C19orf47: variants seen among roughly 807,000 people sequenced by gnomAD.
C19orf47 encodes chromosome 19 open reading frame 47.
C19orf47 carries 18 observed loss-of-function variants against 32.3 expected under a neutral mutation model. The observed-to-expected ratio is 0.56, with a 90% CI of 0.39 to 0.83. The LOEUF (loss-of-function observed/expected upper bound fraction) is 0.83, where lower values mean the gene tolerates loss of function less well. Ranked by LOEUF, C19orf47 falls within the 40% of genes least tolerant of loss-of-function variation. C19orf47 has a pLI of 0.00. For synonymous variants in C19orf47, 202 were observed against 211.1 expected (o/e 0.96, Z 0.37); for missense variants, 484 against 531.6 (o/e 0.91, Z 0.88).
In C19orf47 at chr19:40,341,830, C is replaced by T; in HGVS notation, c.19+9G>A. The T allele has an allele frequency of 6.5e-7, 1 of 1,536,158 alleles. No individual in the cohort carries two copies. The highest frequency in any genetic ancestry group is 8.7e-7 in the Non-Finnish European group (1 of 1,146,896). ...AGAGGGGGCCCTGGAGAGAAGGCCACAGACTCACCCATAGTCACGGAGACC... is the reference window on the plus strand; with the variant it reads ...AGAGGGGGCCCTGGAGAGAAGGCCATAGACTCACCCATAGTCACGGAGACC... On this transcript the variant is annotated intron_variant, in intron 2 of 8. Coordinates refer to ENST00000683109, the MANE Select transcript of C19orf47 (RefSeq NM_001256441.2).
downstream of C19orf47, among the ~76,000 whole-genome samples, chr19:40,314,543 G>A (rs1207931921): frequency 6.6e-6 from 1 of 152,174 alleles, no homozygotes; most frequent in Non-Finnish European, 1.5e-5. Flanking sequence ...AGTAACGTTG[G>A]ATGATAACCT....
chr19:40,348,228 G>T, intron 1 of C19orf47, 96 bp downstream of exon 1: 1 of 802,930 alleles, frequency 1.2e-6, no homozygotes, highest in Non-Finnish European at 1.7e-6. Context: ...TAAGTCCGAA[G>T]CCGTACAACG....
the C19orf47 span, among the ~76,000 whole-genome samples, chr19:40,301,847 A>T: frequency 6.8e-6 from 1 of 147,298 alleles, no homozygotes; most frequent in Non-Finnish European, 1.5e-5. Context: ...TCTGTCTAGG[A>T]AAAAAATCTT....
At chr19:40,331,378 G>A (rs536676229) in intron 5 of C19orf47, among the ~76,000 whole-genome samples, 10 of 152,350 alleles carry the variant, frequency 6.6e-5, no homozygotes, top group African/African-American at 9.6e-5. Flanking sequence ...GAATGCGGCC[G>A]TCAACCCGGC....
chr19:40,322,399 G>A (rs754060201), intron 8 of C19orf47, 23 bp from the exon 9 acceptor site: 21 of 1,542,600 alleles, frequency 1.4e-5, no homozygotes, highest in Non-Finnish European at 1.8e-5. Context: ...GAGACAGGAT[G>A]AATGAGTCAC....
At chr19:40,327,557 C>T (rs1036763200) in intron 6 of C19orf47, among the ~76,000 whole-genome samples, 2 of 152,050 alleles carry the variant, frequency 1.3e-5, no homozygotes, top group African/African-American at 2.4e-5. Context: ...TGGAGGTGGA[C>T]GGGGCGTGAT....
chr19:40,324,256 T>C lies in C19orf47; in HGVS notation c.593-180A>G, dbSNP rs547885359. 1.2e-4 allele frequency: 74 copies of C among 623,380 alleles called. 1 individual carries two copies. In the South Asian group the frequency reaches 1.3e-3, roughly 11 times the overall value. The allele number at this position is 623,380 out of a possible 1,614,324, so 38.6% of individuals were successfully genotyped here. A position where few individuals can be genotyped will look rare whatever the true frequency, so the allele number is the denominator to read the frequency against. The stretch of plus-strand genomic sequence containing the variant: ...ACACTGACCCTAACCCACCCCTATC[T>C]GGCTAGAGCCAAATGTGGGAAAGAC... On this transcript the variant is annotated intron_variant, in intron 7 of 8. Transcript: ENST00000683109.
the C19orf47 span, among the ~76,000 whole-genome samples, chr19:40,300,796 T>C: frequency 6.6e-6 from 1 of 152,152 alleles, no homozygotes; most frequent in East Asian, 1.9e-4. Flanking sequence ...AATAAACTTA[T>C]GATTATAACA....
At chr19:40,303,664 C>T in the C19orf47 span, among the ~76,000 whole-genome samples, 4 of 151,576 alleles carry the variant, frequency 2.6e-5, no homozygotes, top group Non-Finnish European at 5.9e-5. Flanking sequence ...ATTAGCCGGG[C>T]GTGGTGGCAT....
intron 2 of C19orf47, among the ~76,000 whole-genome samples, chr19:40,339,980 C>CAAAA (rs548548957): frequency 2.5e-4 from 17 of 68,690 alleles, no homozygotes; most frequent in African/African-American, 8.6e-4. Flanking sequence ...CATCTCAAAA[C>CAAAA]AAAAAAAAAA....
At chr19:40,295,045 G>A in the C19orf47 span, among the ~76,000 whole-genome samples, 3 of 151,984 alleles carry the variant, frequency 2.0e-5, no homozygotes, top group East Asian at 1.9e-4. Flanking sequence ...TTTTTGAGAC[G>A]GAGTCTCGCC....
chr19:40,333,932 G>A lies in C19orf47; in HGVS notation c.223-3C>T, dbSNP rs988681646. The A allele has an allele frequency of 6.4e-7, 1 of 1,558,212 alleles. No homozygotes were observed. Among genetic ancestry groups the A allele is most frequent in the Non-Finnish European group, 8.7e-7 (1 of 1,150,624 alleles). On this transcript the variant is annotated splice_region_variant and splice_polypyrimidine_tract_variant and intron_variant, in intron 4 of 8. Transcript: ENST00000683109. ...TCAGTGGCAGCTTTGCACATGTCCT[G>A]TGAAAAAAGAACAGGCACCTGGGTC...
intron 1 of C19orf47, among the ~76,000 whole-genome samples, chr19:40,346,495 T>TA (rs1263369273): frequency 2.3e-5 from 3 of 131,888 alleles, no homozygotes; most frequent in African/African-American, 8.6e-5. Flanking sequence ...ATAATAAAAA[T>TA]AAAAAAACAC....
At chr19:40,298,852 T>G in the C19orf47 span, among the ~76,000 whole-genome samples, 1 of 152,032 alleles carries the variant, frequency 6.6e-6, no homozygotes, top group Non-Finnish European at 1.5e-5. Context: ...CAGGTAAAAC[T>G]GAATGCATAT....
intron 2 of C19orf47, among the ~76,000 whole-genome samples, chr19:40,338,348 TAC>T (rs10584231): frequency 0.11 from 16,313 of 147,174 alleles, 1,316 homozygotes; most frequent in African/African-American, 0.23. Flanking sequence ...AATATATATA[TAC>T]ACACACACAC....
chr19:40,316,009 A>AG (rs893485907), downstream of C19orf47, among the ~76,000 whole-genome samples: 10 of 151,154 alleles, frequency 6.6e-5, no homozygotes, highest in African/African-American at 1.9e-4. Context: ...CAAAAAAAAA[A>AG]AGAGAGAGAG....
the C19orf47 span, among the ~76,000 whole-genome samples, chr19:40,312,916 C>T: frequency 1.3e-5 from 2 of 152,190 alleles, no homozygotes; most frequent in Non-Finnish European, 1.5e-5. Flanking sequence ...ACAACTATGC[C>T]ACAATCTGTC....
intron 1 of C19orf47, among the ~76,000 whole-genome samples, chr19:40,346,429 C>T (rs545814298): frequency 3.9e-4 from 52 of 132,786 alleles, no homozygotes; most frequent in African/African-American, 1.3e-3. Context: ...GGCAACAGAG[C>T]GAGACCTTGT....
At chr19:40,315,251 C>T (rs909907917), downstream of C19orf47, among the ~76,000 whole-genome samples, 7 of 152,168 alleles carry the variant, frequency 4.6e-5, no homozygotes, top group African/African-American at 7.2e-5. Context: ...TTGTGACAAA[C>T]GTACCACCCC....
Sources: gnomAD v4.1 joint callset for allele counts (sites outside exome capture counted in the v4.1 genomes callset) on GRCh38, gnomAD v4.1.1 for gene constraint, MANE v1.5 for transcripts, NCBI Gene and HGNC (gene_info 2026-07-23, HGNC 2026-07-21) for gene names.